The following GRM7 variants were observed in gnomAD, a reference collection of about 807,000 sequenced individuals.
The protein encoded by GRM7 is metabotropic glutamate receptor 7.
Under a neutral mutation model 84.5 loss-of-function variants are expected in GRM7, and 35 were observed. The observed-to-expected ratio is 0.41, with a 90% CI of 0.32 to 0.55. The LOEUF (loss-of-function observed/expected upper bound fraction) is 0.55, where lower values mean the gene tolerates loss of function less well. Among genes scored for constraint, GRM7 ranks in the 20% least tolerant of loss-of-function variants. The probability of loss-of-function intolerance (pLI) is 0.19; values close to 1 mark genes in which losing one functional copy is unlikely to be tolerated. For missense variants in GRM7, 1,003 were observed against 1,194.6 expected (o/e 0.84, Z 2.36); for synonymous variants, 487 against 455.1 (o/e 1.07, Z -0.89).
Position 7,591,446 on chromosome 3 carries a change from T to A in GRM7, c.2451+12089T>A, listed in dbSNP as rs571145022. The stretch of plus-strand genomic sequence containing the variant: ...CAAATGAATGTCCAAAGTGATCAAA[T>A]CTTTTAAGAAGGGTAGTTTTATGCT... On this transcript the variant is annotated intron_variant, in intron 8 of 9. Transcript: ENST00000357716. The A allele has an allele frequency of 7.4e-5, 33 of 446,700 alleles. 1 individual carries two copies. The highest frequency in any genetic ancestry group is 3.7e-4 in the South Asian group (23 of 61,668). 27.7% of individuals were successfully genotyped at this position (446,700 alleles called of 1,614,324 possible). A position where few individuals can be genotyped will look rare whatever the true frequency, so the allele number is the denominator to read the frequency against.
At chr3:7,297,888 A>G (rs2125020230) in intron 2 of GRM7, among the ~76,000 whole-genome samples, 1 of 152,340 alleles carries the variant, frequency 6.6e-6, no homozygotes. Flanking sequence ...CTGCTAAGCA[A>G]GAAGCAGGGA....
chr3:6,938,242 C>T (rs1016698304), intron 1 of GRM7, among the ~76,000 whole-genome samples: 21 of 152,200 alleles, frequency 1.4e-4, no homozygotes, highest in Admixed American at 4.6e-4. Context: ...TATTATAGTG[C>T]TATATGGTCT....
intron 9 of GRM7, chr3:7,691,366 G>A (rs1408921550): frequency 1.4e-6 from 1 of 715,436 alleles, no homozygotes; most frequent in Non-Finnish European, 2.0e-6. Context: ...AACCTGGCAT[G>A]TGCTATCTTT....
chr3:7,030,306 G>T (rs1696143598), intron 1 of GRM7, among the ~76,000 whole-genome samples: 1 of 152,190 alleles, frequency 6.6e-6, no homozygotes, highest in Non-Finnish European at 1.5e-5. Flanking sequence ...GTGTCAGAAG[G>T]TTGCAGGAAA....
At chr3:7,352,786 A>G (rs1047430308) in intron 4 of GRM7, among the ~76,000 whole-genome samples, 3 of 152,036 alleles carry the variant, frequency 2.0e-5, no homozygotes, top group African/African-American at 7.2e-5. Context: ...ATATGATATC[A>G]GTCTTTTCAC....
intron 2 of GRM7, among the ~76,000 whole-genome samples, chr3:7,167,161 T>G (rs1031812201): frequency 6.6e-6 from 1 of 152,228 alleles, no homozygotes; most frequent in Non-Finnish European, 1.5e-5. Flanking sequence ...ATCAGCACTC[T>G]AAGCAAAAAT....
intron 5 of GRM7, among the ~76,000 whole-genome samples, chr3:7,438,376 A>G (rs941103380): frequency 1.3e-5 from 2 of 152,002 alleles, no homozygotes; most frequent in African/African-American, 2.4e-5. Context: ...AATGAGAGCA[A>G]TCATGACACC....
intron 1 of GRM7, among the ~76,000 whole-genome samples, chr3:6,890,105 T>C (rs1056559578): frequency 6.6e-6 from 1 of 152,202 alleles, no homozygotes; most frequent in African/African-American, 2.4e-5. Flanking sequence ...TTATTGCGTC[T>C]ATTTGATTCT....
intron 1 of GRM7, among the ~76,000 whole-genome samples, chr3:6,923,432 T>C (rs149609741): frequency 5.3e-5 from 8 of 152,226 alleles, no homozygotes; most frequent in African/African-American, 1.7e-4. Context: ...AGCATCTTGA[T>C]TTGATTTATG....
At chr3:7,481,558 C>G (rs1699128653) in intron 7 of GRM7, among the ~76,000 whole-genome samples, 1 of 152,242 alleles carries the variant, frequency 6.6e-6, no homozygotes, top group South Asian at 2.1e-4. Context: ...CTCTCTGGGC[C>G]TCAGTTTCCT....
intron 4 of GRM7, among the ~76,000 whole-genome samples, chr3:7,310,870 C>T (rs1700366146): frequency 6.6e-6 from 1 of 152,060 alleles, no homozygotes; most frequent in African/African-American, 2.4e-5. Flanking sequence ...TCTTTTTTCT[C>T]TCTTCCCTTA....
At chr3:7,154,918 C>T (rs564455195) in intron 2 of GRM7, among the ~76,000 whole-genome samples, 6 of 152,098 alleles carry the variant, frequency 3.9e-5, no homozygotes, top group African/African-American at 7.2e-5. Context: ...TGTATCTCAT[C>T]GGTTTTGATA....
intron 1 of GRM7, among the ~76,000 whole-genome samples, chr3:6,986,577 A>G (rs1694420668): frequency 6.6e-6 from 1 of 152,138 alleles, no homozygotes; most frequent in African/African-American, 2.4e-5. Flanking sequence ...CATGTATTTC[A>G]TAATCTTGGA....
chr3:6,876,055 G>T (rs151077048), intron 1 of GRM7, among the ~76,000 whole-genome samples: 6,106 of 152,134 alleles, frequency 0.04, 170 homozygotes, highest in Non-Finnish European at 0.057. Context: ...ATCACCTGAG[G>T]TCAGGAGTTC....
chr3:7,322,903 T>A (rs1219877606), intron 4 of GRM7, among the ~76,000 whole-genome samples: 1 of 152,104 alleles, frequency 6.6e-6, no homozygotes, highest in African/African-American at 2.4e-5. Flanking sequence ...GTTAGAAATG[T>A]ACCTTTTGTA....
chr3:7,644,188 C>G (rs1698507612), intron 8 of GRM7, among the ~76,000 whole-genome samples: 2 of 53,704 alleles, frequency 3.7e-5, no homozygotes, highest in African/African-American at 1.7e-4. Flanking sequence ...ATATATATGT[C>G]TGTACGTATA....
At chr3:7,075,531 TG>T (rs1459781756) in intron 1 of GRM7, among the ~76,000 whole-genome samples, 2 of 149,512 alleles carry the variant, frequency 1.3e-5, no homozygotes, top group African/African-American at 5.0e-5. Flanking sequence ...TGTGTGTGTG[TG>T]TGTGTGTGTG....
chr3:7,709,600 C>A (rs1333758937), intron 9 of GRM7, among the ~76,000 whole-genome samples: 1 of 152,072 alleles, frequency 6.6e-6, no homozygotes, highest in African/African-American at 2.4e-5. Context: ...CACAAGTTCC[C>A]CATCATTCGT....
chr3:7,498,405 C>G (rs868357447), intron 7 of GRM7, among the ~76,000 whole-genome samples: 2 of 152,214 alleles, frequency 1.3e-5, no homozygotes, highest in East Asian at 3.9e-4. Context: ...ACTCAACTTA[C>G]AAGTAGACTG....
Sources: gnomAD v4.1 joint callset for allele counts (sites outside exome capture counted in the v4.1 genomes callset) on GRCh38, gnomAD v4.1.1 for gene constraint, MANE v1.5 for transcripts, NCBI Gene and HGNC (gene_info 2026-07-23, HGNC 2026-07-21) for gene names.